The following ARAP2 variants were observed in gnomAD, a reference collection of about 807,000 sequenced individuals.
The protein encoded by ARAP2 is ArfGAP with RhoGAP domain, ankyrin repeat and PH domain 2, also known as arf-GAP with Rho-GAP domain, ANK repeat and PH domain-containing protein 2.
Under a neutral mutation model 194.5 loss-of-function variants are expected in ARAP2, and 148 were observed. The ratio of observed to expected loss-of-function variants is 0.76; its 90% CI spans 0.67 to 0.87. ARAP2 has a LOEUF of 0.87. ARAP2 is among the 40% of genes least tolerant of loss of function. ARAP2 has a pLI of 0.00. For synonymous variants in ARAP2, 695 were observed against 683.5 expected (o/e 1.02, Z -0.26); for missense variants, 2,128 against 1,989.7 (o/e 1.07, Z -1.32).
chr4:36,009,370 A>T (rs1458329687), intron 9 of ARAP2, among the ~76,000 whole-genome samples: 1 of 152,156 alleles, frequency 6.6e-6, no homozygotes, highest in African/African-American at 2.4e-5. Context: ...AAAAAGAATG[A>T]TTTCATGTCT....
intron 21 of ARAP2, among the ~76,000 whole-genome samples, chr4:36,126,805 T>G (rs78846474): frequency 0.04 from 6,049 of 152,132 alleles, 198 homozygotes; most frequent in South Asian, 0.08. Flanking sequence ...GTCACTCAAT[T>G]TGACAACTTT....
Position 36,068,071 on chromosome 4 carries a change from G to T in ARAP2, c.4951C>A (p.His1651Asn). The change falls in exon 33 of 33, where the codon CAT (histidine) becomes AAT (asparagine). Residue 1651 changes from histidine (H) to asparagine (N), a missense_variant. Coordinates refer to ENST00000303965, the MANE Select transcript of ARAP2 (RefSeq NM_015230.4). ...TTCCTCAATGTCTTTAGGCCTTTAT[G>T]GCCTTTTGGTTGCCCAAGTGGGGCT... ...PEAPLGQPKG[H>N]KGLKTLRKTE... 1 of 1,614,080 alleles carries T rather than the reference G, an allele frequency of 6.2e-7. No individual in the cohort carries two copies. The highest frequency in any genetic ancestry group is 8.5e-7 in the Non-Finnish European group (1 of 1,179,992).
rs146549650 is a variant in ARAP2 at position 36,013,532 on chromosome 4, G to C, written n.1057-701C>G. On this transcript the variant is annotated intron_variant and non_coding_transcript_variant, in intron 8 of 12. Transcript: ENST00000503225. The stretch of plus-strand genomic sequence containing the variant: ...AGAATTATGGATACAGGGTGTTTGG[G>C]CACGTGAGATTTTACATTACAGGAA... Among the ~76,000 whole-genome samples, 1,099 of 152,274 alleles carry C rather than the reference G, an allele frequency of 7.2e-3. 18 individuals are homozygous for C. Among genetic ancestry groups the C allele is most frequent in the African/African-American group, 0.025 (1,027 of 41,558 alleles).
intron 31 of ARAP2, among the ~76,000 whole-genome samples, chr4:36,078,208 A>G (rs1728678458): frequency 6.6e-6 from 1 of 152,188 alleles, no homozygotes; most frequent in South Asian, 2.1e-4. Flanking sequence ...TTAGTAAGAG[A>G]GGCAGACATG....
chr4:36,118,558 T>C (rs555270419), intron 24 of ARAP2, among the ~76,000 whole-genome samples: 3 of 151,570 alleles, frequency 2.0e-5, no homozygotes, highest in South Asian at 2.1e-4. Flanking sequence ...CATCTTTCTT[T>C]ATTGTAATAT....
At chr4:36,103,348 T>G (rs1285891120) in intron 27 of ARAP2, among the ~76,000 whole-genome samples, 2 of 151,694 alleles carry the variant, frequency 1.3e-5, no homozygotes, top group Non-Finnish European at 3.0e-5. Flanking sequence ...CAAAAAACTT[T>G]AGTGCTTAAA....
At chr4:36,082,410 G>A (rs2109349547) in intron 29 of ARAP2, 124 bp from the exon 30 acceptor site, 2 of 930,392 alleles carry the variant, frequency 2.1e-6, no homozygotes, top group Non-Finnish European at 3.2e-6. Context: ...TCCACAAGTG[G>A]TGATTCAATG....
intron 9 of ARAP2, among the ~76,000 whole-genome samples, chr4:36,168,012 CA>C (rs201722225): frequency 0.056 from 6,762 of 119,938 alleles, 150 homozygotes; most frequent in South Asian, 0.073. Context: ...AGGCAAAATA[CA>C]AAAAAAAAAA....
At chr4:36,024,273 T>A (rs1717522688) in intron 5 of ARAP2, among the ~76,000 whole-genome samples, 1 of 152,186 alleles carries the variant, frequency 6.6e-6, no homozygotes, top group African/African-American at 2.4e-5. Context: ...TTATTCAAAA[T>A]GACATTGCAT....
intron 25 of ARAP2, among the ~76,000 whole-genome samples, chr4:36,115,195 C>A (rs1341544781): frequency 2.6e-5 from 4 of 151,976 alleles, no homozygotes; most frequent in African/African-American, 9.7e-5. Context: ...AGGTAACTCG[C>A]AAAGTCTACC....
intron 27 of ARAP2, among the ~76,000 whole-genome samples, chr4:36,101,975 C>T (rs78081530): frequency 0.021 from 873 of 40,910 alleles, 9 homozygotes; most frequent in African/African-American, 0.095. Flanking sequence ...TGACAATTTA[C>T]GTGGCATTGC....
At chr4:36,072,292 A>C (rs1727171341) in intron 32 of ARAP2, among the ~76,000 whole-genome samples, 1 of 152,134 alleles carries the variant, frequency 6.6e-6, no homozygotes, top group South Asian at 2.1e-4. Context: ...AAATGCATGT[A>C]ATTCTTTTAA....
chr4:36,187,696 C>T lies in ARAP2; in HGVS notation c.1558-125G>A, dbSNP rs1740884826. 5 of 736,216 alleles carry T rather than the reference C, an allele frequency of 6.8e-6. No homozygotes were observed. In the South Asian group the frequency reaches 1.3e-4, roughly 20 times the overall value. 45.6% of individuals were successfully genotyped at this position (736,216 alleles called of 1,614,324 possible). A position where few individuals can be genotyped will look rare whatever the true frequency, so the allele number is the denominator to read the frequency against. ...ATTTCAATCCAAATTTTTTAAATGCCATACAAGTAATTTGTCCACTCATAT... is the reference window on the plus strand; with the variant it reads ...ATTTCAATCCAAATTTTTTAAATGCTATACAAGTAATTTGTCCACTCATAT... On this transcript the variant is annotated intron_variant, in intron 7 of 32. Coordinates refer to ENST00000303965, the MANE Select transcript of ARAP2 (RefSeq NM_015230.4).
intron 28 of ARAP2, among the ~76,000 whole-genome samples, chr4:36,084,907 T>A (rs970361541): frequency 3.3e-5 from 5 of 151,996 alleles, no homozygotes; most frequent in Admixed American, 6.6e-5. Context: ...TAGCTAGATT[T>A]CTAGGAATTT....
intron 6 of ARAP2, among the ~76,000 whole-genome samples, chr4:36,198,498 C>T (rs1045856032): frequency 3.3e-5 from 5 of 152,212 alleles, no homozygotes; most frequent in African/African-American, 4.8e-5. Context: ...CTGTTCATGG[C>T]GCCCAGGCTG....
intron 22 of ARAP2, among the ~76,000 whole-genome samples, chr4:36,122,977 A>T (rs1321991264): frequency 6.6e-5 from 10 of 151,856 alleles, no homozygotes; most frequent in Middle Eastern, 3.2e-3. Flanking sequence ...ACATGATAGC[A>T]ATACATATGT....
intron 2 of ARAP2, among the ~76,000 whole-genome samples, chr4:36,224,169 A>T (rs1416112468): frequency 1.6e-4 from 24 of 151,192 alleles, no homozygotes; most frequent in Non-Finnish European, 3.2e-4. Context: ...GCAGCCAAAT[A>T]AAAAAAGAAA....
chr4:36,128,910 T>A (rs1337913738), intron 20 of ARAP2, among the ~76,000 whole-genome samples, 165 bp from the exon 21 acceptor site: 2 of 152,016 alleles, frequency 1.3e-5, no homozygotes, highest in African/African-American at 2.4e-5. Flanking sequence ...TTACTCCTGA[T>A]TTTAGTATTT....
At chr4:36,068,322 A>C (rs776032364) in intron 32 of ARAP2, 44 bp from the exon 33 acceptor site, 2 of 1,495,098 alleles carry the variant, frequency 1.3e-6, no homozygotes, top group Admixed American at 4.8e-5. Context: ...AAGATTTGGC[A>C]CAATTTAGGT....
Sources: gnomAD v4.1 joint callset for allele counts (sites outside exome capture counted in the v4.1 genomes callset) on GRCh38, gnomAD v4.1.1 for gene constraint, MANE v1.5 for transcripts, NCBI Gene and HGNC (gene_info 2026-07-23, HGNC 2026-07-21) for gene names.